INSC: variants seen among roughly 807,000 people sequenced by gnomAD.
INSC encodes the protein INSC spindle orientation adaptor protein.
INSC carries 67 observed loss-of-function variants against 58.6 expected under a neutral mutation model. The ratio of observed to expected loss-of-function variants is 1.14; its 90% CI spans 0.94 to 1.40. The LOEUF (loss-of-function observed/expected upper bound fraction) is 1.40. Ranked by LOEUF, INSC falls within the 40% of genes most tolerant of loss-of-function variation. The probability of loss-of-function intolerance (pLI) is 0.00; values close to 1 mark genes in which losing one functional copy is unlikely to be tolerated. For synonymous variants in INSC, 262 were observed against 276.1 expected (o/e 0.95, Z 0.51); for missense variants, 714 against 692.0 (o/e 1.03, Z -0.36).
intron 2 of INSC, among the ~76,000 whole-genome samples, chr11:15,154,724 A>T (rs2133764658): frequency 6.6e-6 from 1 of 152,252 alleles, no homozygotes; most frequent in African/African-American, 2.4e-5. Flanking sequence ...GAGGATGAGG[A>T]GGTAGACAAA....
the INSC span, among the ~76,000 whole-genome samples, chr11:15,262,709 A>C: frequency 1.1e-4 from 16 of 148,836 alleles, no homozygotes; most frequent in African/African-American, 3.5e-4. Context: ...CCAGCCCAAG[A>C]ATTTTGATTA....
chr11:15,192,748 G>A (rs1264285558), intron 6 of INSC, among the ~76,000 whole-genome samples: 1 of 152,182 alleles, frequency 6.6e-6, no homozygotes, highest in Non-Finnish European at 1.5e-5. Flanking sequence ...TGGATGTGGA[G>A]TATTTTAAAT....
At chr11:15,253,672 G>A in the INSC span, among the ~76,000 whole-genome samples, 1 of 151,286 alleles carries the variant, frequency 6.6e-6, no homozygotes, top group Admixed American at 6.6e-5. Context: ...TGGAACCTTT[G>A]AAAGGGAAAG....
At chr11:15,254,952 G>A in the INSC span, among the ~76,000 whole-genome samples, 1 of 152,184 alleles carries the variant, frequency 6.6e-6, no homozygotes, top group Non-Finnish European at 1.5e-5. Context: ...ATTTTCTTGA[G>A]CACTTGTTCT....
intron 1 of INSC, among the ~76,000 whole-genome samples, chr11:15,145,061 C>T (rs1848459843): frequency 1.3e-5 from 2 of 152,302 alleles, no homozygotes; most frequent in South Asian, 4.1e-4. Context: ...CTACATGTGT[C>T]CTTTTCACCT....
At chr11:15,200,261 T>G (rs1459092940) in intron 6 of INSC, among the ~76,000 whole-genome samples, 2 of 152,018 alleles carry the variant, frequency 1.3e-5, no homozygotes, top group African/African-American at 4.8e-5. Context: ...CGGACTTCAG[T>G]TTTTTTGATC....
At chr11:15,251,404 A>T (rs1383478135), downstream of INSC, among the ~76,000 whole-genome samples, 5 of 152,218 alleles carry the variant, frequency 3.3e-5, no homozygotes, top group Admixed American at 3.3e-4. Context: ...CAAATAGATA[A>T]ATTGGACTTC....
At chr11:15,149,039 C>T (rs1848565149) in intron 1 of INSC, 91 bp from the exon 2 acceptor site, 2 of 1,418,022 alleles carry the variant, frequency 1.4e-6, no homozygotes, top group Admixed American at 2.6e-5. Context: ...TCTTTGTCTG[C>T]TTTGGTTCCT....
At chr11:15,205,050 T>C (rs1850744523) in intron 7 of INSC, among the ~76,000 whole-genome samples, 1 of 152,136 alleles carries the variant, frequency 6.6e-6, no homozygotes, top group Non-Finnish European at 1.5e-5. Flanking sequence ...TCACGGGAAG[T>C]CACTTCGTCT....
chr11:15,236,455 G>C (rs540711246), intron 10 of INSC, among the ~76,000 whole-genome samples: 66 of 152,338 alleles, frequency 4.3e-4, no homozygotes, highest in African/African-American at 1.6e-3. Context: ...GCTGAGGAAG[G>C]GGTGAGAATG....
At chr11:15,238,887 T>C in intron 10 of INSC, 32 bp from the exon 11 acceptor site, 2 of 1,602,668 alleles carry the variant, frequency 1.2e-6, no homozygotes. Context: ...CATGCTGGGG[T>C]AGGTACCAAC....
chr11:15,114,963 A>G lies in INSC; in HGVS notation c.-86A>G. 1.0e-6 allele frequency: 1 copy of G among 985,444 alleles called. No individual in the cohort carries two copies. The highest frequency in any genetic ancestry group is 1.2e-6 in the Non-Finnish European group (1 of 829,946). 61.0% of individuals were successfully genotyped at this position (985,444 alleles called of 1,614,324 possible). A position where few individuals can be genotyped will look rare whatever the true frequency, so the allele number is the denominator to read the frequency against. On this transcript the variant is annotated 5_prime_UTR_variant, in exon 1 of 13. Transcript: ENST00000379556. ...TCTGGAGCTCCAGCTGCGCCCCGCC[A>G]CCACTGGCCGCTCGCACTACCAGCC...
the INSC span, among the ~76,000 whole-genome samples, chr11:15,252,612 A>G: frequency 6.6e-6 from 1 of 152,122 alleles, no homozygotes; most frequent in Non-Finnish European, 1.5e-5. Context: ...CAAGAGAGAT[A>G]GAGGCCGATA....
intron 6 of INSC, among the ~76,000 whole-genome samples, chr11:15,191,019 C>T (rs1375771729): frequency 6.9e-6 from 1 of 144,812 alleles, no homozygotes; most frequent in Non-Finnish European, 1.5e-5. Flanking sequence ...CTCACTCTGT[C>T]ACCCAGGCTG....
intron 7 of INSC, among the ~76,000 whole-genome samples, chr11:15,212,581 T>G (rs534040978): frequency 7.2e-5 from 11 of 152,376 alleles, no homozygotes; most frequent in African/African-American, 2.2e-4. Flanking sequence ...ATCTTGCACA[T>G]CTTTTTTAGA....
intron 11 of INSC, 63 bp from the exon 12 acceptor site, chr11:15,240,384 C>G (rs1419427384): frequency 7.0e-7 from 1 of 1,436,228 alleles, no homozygotes; most frequent in Admixed American, 1.7e-5. Flanking sequence ...AGGCCCAGAA[C>G]CTCTGGGTCA....
the INSC span, among the ~76,000 whole-genome samples, chr11:15,262,901 C>T: frequency 0.75 from 113,867 of 151,916 alleles, 42,873 homozygotes; most frequent in Middle Eastern, 0.84. Flanking sequence ...GCTAGACCTA[C>T]ACTGAATATA....
rs373439305 is a variant in INSC, at chr11:15,200,857, C to G, written c.727C>G (p.Arg243Gly). Reference protein sequence around the residue: ...GGVVALFKVCRQDSFRCLYPQ... With the variant: ...GGVVALFKVCGQDSFRCLYPQ... ...GGTCGTAGCACTCTTCAAGGTTTGC[C>G]GGCAGGACAGTTTCCGGTGCTTGTA... The change falls in exon 7 of 13, where the codon CGG (arginine) becomes GGG (glycine). Residue 243 changes from arginine to glycine, a missense_variant. By Grantham distance (125) the Arg-to-Gly change is moderately radical. Transcript: ENST00000379556. 1.2e-6 allele frequency: 2 copies of G among 1,613,952 alleles called. No homozygotes were observed. Among genetic ancestry groups the G allele is most frequent in the Non-Finnish European group, 1.7e-6 (2 of 1,180,012 alleles).
intron 7 of INSC, among the ~76,000 whole-genome samples, chr11:15,221,052 G>C (rs926417570): frequency 2.6e-5 from 4 of 152,174 alleles, no homozygotes; most frequent in African/African-American, 9.7e-5. Context: ...CCTGTTGAAC[G>C]GTGAGGAAAC....
Sources: allele counts gnomAD v4.1 joint callset (sites outside exome capture counted in the v4.1 genomes callset), GRCh38; gene constraint gnomAD v4.1.1; transcripts MANE v1.5; gene names NCBI Gene and HGNC (gene_info 2026-07-23, HGNC 2026-07-21).